COL4A1: variants seen among roughly 807,000 people sequenced by gnomAD.
COL4A1 encodes the protein collagen alpha-1(IV) chain.
Under a neutral mutation model 216.6 loss-of-function variants are expected in COL4A1, and 40 were observed. The ratio of observed to expected loss-of-function variants is 0.18; its 90% confidence interval spans 0.14 to 0.24. The LOEUF (loss-of-function observed/expected upper bound fraction) is 0.24. Among genes scored for constraint, COL4A1 ranks in the 10% least tolerant of loss-of-function variants. COL4A1 has a pLI of 1.00. For missense variants in COL4A1, 1,628 were observed against 2,196.8 expected (o/e 0.74, Z 5.18); for synonymous variants, 839 against 810.7 (o/e 1.03, Z -0.59).
At chr13:110,164,435 T>TAGGGTTTC (rs1877238052) in intron 46 of COL4A1, among the ~76,000 whole-genome samples, 1 of 152,326 alleles carries the variant, frequency 6.6e-6, no homozygotes, top group East Asian at 1.9e-4. Context: ...AAGACTATGT[T>TAGGGTTTC]AGGGTTTCAG....
chr13:110,258,988 C>T (rs181863346), intron 1 of COL4A1, among the ~76,000 whole-genome samples: 18 of 152,366 alleles, frequency 1.2e-4, no homozygotes, highest in South Asian at 2.1e-4. Flanking sequence ...CACCGGCGAT[C>T]CTGAGCAACC....
At chr13:110,228,880 T>C (rs1880875875) in intron 2 of COL4A1, among the ~76,000 whole-genome samples, 1 of 152,192 alleles carries the variant, frequency 6.6e-6, no homozygotes, top group Non-Finnish European at 1.5e-5. Context: ...TCAAATTGAT[T>C]AGCGAATGGA....
chr13:110,298,691 G>A (rs529358480), intron 1 of COL4A1: 8 of 152,430 alleles, frequency 5.2e-5, no homozygotes, highest in African/African-American at 1.9e-4. Flanking sequence ...GCCTGGAGGA[G>A]GTGGGAGGGA....
At position 110,161,316 on chromosome 13, in the gene COL4A1, T is replaced by C. The variant is rs1436074306; in HGVS notation, c.4516A>G (p.Asn1506Asp). 6 of 1,614,066 alleles carry C rather than the reference T, an allele frequency of 3.7e-6. No homozygotes were observed. The highest frequency in any genetic ancestry group is 4.2e-6 in the Non-Finnish European group (5 of 1,180,032). The change falls in exon 49 of 52, where the codon AAT becomes GAT. Residue 1506 changes from asparagine (N) to aspartate (D), a missense_variant. Asn to Asp is a conservative substitution (Grantham distance 23). Coordinates refer to ENST00000375820, the MANE Select transcript of COL4A1 (RefSeq NM_001845.6). Reference protein sequence around the residue: ...KFSTMPFLFCNINNVCNFASR... With the variant: ...KFSTMPFLFCDINNVCNFASR... ...GCAAAGTTGCACACGTTGTTAATATTGCAGAACAGGAAGGGCATTGTGCTG... is the reference window on the plus strand; with the variant it reads ...GCAAAGTTGCACACGTTGTTAATATCGCAGAACAGGAAGGGCATTGTGCTG...
chr13:110,264,507 AGAG>A (rs1882949528), intron 1 of COL4A1, among the ~76,000 whole-genome samples: 1 of 152,206 alleles, frequency 6.6e-6, no homozygotes, highest in African/African-American at 2.4e-5. Context: ...GGAGGGAAGG[AGAG>A]GAGGAGAAAG....
intron 2 of COL4A1, among the ~76,000 whole-genome samples, chr13:110,235,432 CA>C (rs576655491): frequency 3.5e-4 from 54 of 152,130 alleles, no homozygotes; most frequent in Non-Finnish European, 7.4e-4. Flanking sequence ...GGGCGGATCA[CA>C]AGGTCAGGAG....
At chr13:110,178,409 C>A (rs1020019140) in intron 31 of COL4A1, among the ~76,000 whole-genome samples, 178 bp from the exon 32 acceptor site, 2 of 152,220 alleles carry the variant, frequency 1.3e-5, no homozygotes, top group African/African-American at 2.4e-5. Context: ...AATCAAATGG[C>A]TCTTGTTCTA....
chr13:110,217,732 T>C (rs1310551219), intron 2 of COL4A1, among the ~76,000 whole-genome samples: 3 of 152,082 alleles, frequency 2.0e-5, no homozygotes, highest in African/African-American at 2.4e-5. Flanking sequence ...TGTCCCCAAA[T>C]GATGAAATTC....
Position 110,243,130 on chromosome 13 carries a change from C to A in COL4A1, c.85-396G>T, listed in dbSNP as rs377366327. ...TTATTTAGAGGTGTCAGACCTAAGA[C>A]CGTGGAGGCTGAGAGCTCCCAATGA... On this transcript the variant is annotated intron_variant, in intron 1 of 51. Transcript: ENST00000375820. Among the ~76,000 whole-genome samples, 3 of 152,314 alleles carry A rather than the reference C, an allele frequency of 2.0e-5. No homozygotes were observed. The East Asian group carries it at 5.8e-4, about 29-fold the overall frequency.
chr13:110,219,285 T>G (rs1880256705), intron 2 of COL4A1, among the ~76,000 whole-genome samples: 1 of 152,176 alleles, frequency 6.6e-6, no homozygotes, highest in Non-Finnish European at 1.5e-5. Flanking sequence ...ACAACTGAAC[T>G]CTTAAAAGGA....
At chr13:110,288,268 A>T (rs950444580) in intron 1 of COL4A1, among the ~76,000 whole-genome samples, 2 of 144,132 alleles carry the variant, frequency 1.4e-5, no homozygotes, top group African/African-American at 5.1e-5. Flanking sequence ...CTCTCAAAAA[A>T]AAAAAAAATA....
intron 2 of COL4A1, among the ~76,000 whole-genome samples, chr13:110,231,330 A>G (rs1177613610): frequency 1.2e-4 from 18 of 152,242 alleles, no homozygotes; most frequent in Admixed American, 1.1e-3. Context: ...GTCCATGGAC[A>G]TTTCTCAAAG....
chr13:110,228,941 G>T (rs1162240747), intron 2 of COL4A1, among the ~76,000 whole-genome samples: 1 of 152,198 alleles, frequency 6.6e-6, no homozygotes, highest in South Asian at 2.1e-4. Flanking sequence ...AGCTATGATT[G>T]CTTCAACTTG....
At chr13:110,258,395 C>A (rs778298342) in intron 1 of COL4A1, among the ~76,000 whole-genome samples, 1 of 152,104 alleles carries the variant, frequency 6.6e-6, no homozygotes, top group African/African-American at 2.4e-5. Context: ...CAAAAATTAG[C>A]CAGGCGTGGT....
intron 1 of COL4A1, among the ~76,000 whole-genome samples, chr13:110,249,044 CA>C (rs1290350659): frequency 6.6e-6 from 1 of 152,120 alleles, no homozygotes; most frequent in Admixed American, 6.6e-5. Context: ...CATGGACCCC[CA>C]GGGCCCAAGA....
intron 21 of COL4A1, among the ~76,000 whole-genome samples, chr13:110,196,832 G>C (rs1025667497): frequency 3.3e-5 from 5 of 152,178 alleles, no homozygotes; most frequent in African/African-American, 1.2e-4. Context: ...TGTGGTTAAT[G>C]CTCTATCGAT....
At chr13:110,237,349 G>A (rs989903673) in intron 2 of COL4A1, among the ~76,000 whole-genome samples, 9 of 151,730 alleles carry the variant, frequency 5.9e-5, no homozygotes, top group Non-Finnish European at 1.0e-4. Context: ...GATGGGGTTA[G>A]TTCAGCGGTA....
rs371349720 is a variant in COL4A1, at chr13:110,301,319, T to C, written c.84+5625A>G. ...AATTAATTCCTGATTTCCTCCTCTG[T>C]GTCGGGCACTCTCCCAAACATGGTG... is the stretch of plus-strand genomic sequence containing the variant. On this transcript the variant is annotated intron_variant, in intron 1 of 51. Transcript: ENST00000375820. Among the ~76,000 whole-genome samples, 22 of 152,362 alleles carry C rather than the reference T, an allele frequency of 1.4e-4. No homozygotes were observed. In the East Asian group the frequency reaches 4.0e-3, roughly 28 times the overall value.
chr13:110,293,899 C>T (rs1425660398), intron 1 of COL4A1, among the ~76,000 whole-genome samples: 3 of 152,196 alleles, frequency 2.0e-5, no homozygotes, highest in African/African-American at 7.2e-5. Flanking sequence ...CTTGTTTAAG[C>T]CTCTGAGTGT....
Sources: gnomAD v4.1 joint callset for allele counts (sites outside exome capture counted in the v4.1 genomes callset) on GRCh38, gnomAD v4.1.1 for gene constraint, MANE v1.5 for transcripts, NCBI Gene and HGNC (gene_info 2026-07-23, HGNC 2026-07-21) for gene names.